SYNE1: variants seen among roughly 807,000 people sequenced by gnomAD.
SYNE1 encodes spectrin repeat containing nuclear envelope protein 1.
Under a neutral mutation model 1,111.0 loss-of-function variants are expected in SYNE1, and 616 were observed. That is an observed-to-expected ratio of 0.55 (90% CI 0.52 to 0.59). The LOEUF (loss-of-function observed/expected upper bound fraction) is 0.59, where lower values mean the gene tolerates loss of function less well. Ranked by LOEUF, SYNE1 falls within the 20% of genes least tolerant of loss-of-function variation. The pLI is 0.00. For synonymous variants in SYNE1, 3,855 were observed against 3,825.8 expected (o/e 1.01, Z -0.28); for missense variants, 10,006 against 10,417.0 (o/e 0.96, Z 1.72).
intron 86 of SYNE1, among the ~76,000 whole-genome samples, chr6:152,317,683 C>T (rs1415486401): frequency 6.6e-6 from 1 of 152,220 alleles, no homozygotes; most frequent in Admixed American, 6.5e-5. Context: ...ACAATTATTA[C>T]AGACGTGCAA....
At chr6:152,398,051 C>A (rs998201030) in intron 49 of SYNE1, among the ~76,000 whole-genome samples, 1 of 151,902 alleles carries the variant, frequency 6.6e-6, no homozygotes, top group African/African-American at 2.4e-5. Context: ...TAACATAGTG[C>A]TTTACTCGGA....
Position 152,225,797 on chromosome 6 carries a change from T to C in SYNE1, c.21275A>G (p.Lys7092Arg). ...EQNGLALIQNKKEDVSSIVMS... is the reference protein window; with the variant it reads ...EQNGLALIQNRKEDVSSIVMS... ...GACAATGCTAGAGACGTCTTCTTTC[T>C]TGTTCTGAATCAAAGCAAGTCCATT... Residue 7092 changes from lysine (K) to arginine (R), a missense_variant, in exon 116 of 146, where the codon AAG (lysine) becomes AGG (arginine). Lys to Arg is a conservative substitution (Grantham distance 26, BLOSUM62 2). Transcript: ENST00000367255. The C allele has an allele frequency of 6.2e-7, 1 of 1,614,140 alleles. No individual in the cohort carries two copies. The highest frequency in any genetic ancestry group is 8.5e-7 in the Non-Finnish European group (1 of 1,180,020).
At chr6:152,360,901 A>G (rs2096920336) in intron 64 of SYNE1, among the ~76,000 whole-genome samples, 1 of 152,214 alleles carries the variant, frequency 6.6e-6, no homozygotes, top group Non-Finnish European at 1.5e-5. Flanking sequence ...TGTGTCAGAC[A>G]GAGAGCCAAG....
chr6:152,148,768 A>C lies in SYNE1; in HGVS notation c.24643-390T>G, dbSNP rs1421332702. 6.6e-6 allele frequency among the ~76,000 whole-genome samples: 1 copy of C among 151,994 alleles called. No individual in the cohort carries two copies. The highest frequency in any genetic ancestry group is 1.5e-5 in the Non-Finnish European group (1 of 68,016). On this transcript the variant is annotated intron_variant, in intron 136 of 145. Coordinates refer to ENST00000367255, the MANE Select transcript of SYNE1 (RefSeq NM_182961.4). This position sits in a 1 kb window ranked among gnomAD's most constrained non-coding sequence, Gnocchi z 4.1. The stretch of plus-strand genomic sequence containing the variant: ...GGTAAAATGGGAATAACATTAAAAC[A>C]TACTTCAAATAATTAATATAAGATT...
chr6:152,536,598 A>G lies in SYNE1; in HGVS notation c.129+3362T>C, dbSNP rs1178265713. ...GCGGCCAATGACTTCCAAACTGCCA[A>G]ATCGAATGGGTTCACCTTTACCAAC... On this transcript the variant is annotated intron_variant, in intron 4 of 145. Coordinates refer to ENST00000367255, the MANE Select transcript of SYNE1 (RefSeq NM_182961.4). 4.0e-5 allele frequency among the ~76,000 whole-genome samples: 6 copies of G among 151,034 alleles called. No individual in the cohort carries two copies. In the Admixed American group the frequency reaches 4.0e-4, roughly 10 times the overall value.
At position 152,186,988 on chromosome 6, in the gene SYNE1, G is replaced by A. The variant is rs188262912; in HGVS notation, c.23301+2264C>T. Among the ~76,000 whole-genome samples the A allele has an allele frequency of 3.9e-5, 6 of 152,180 alleles. No homozygotes were observed. The East Asian group carries it at 1.2e-3, about 29-fold the overall frequency. ...TATAGGATGATTTACTGTATAATAA[G>A]GTATTGCTTTCAGTTTGAAGAATTC... On this transcript the variant is annotated intron_variant, in intron 128 of 145. Transcript: ENST00000367255.
intron 3 of SYNE1, among the ~76,000 whole-genome samples, chr6:152,543,017 G>A (rs2099279229): frequency 6.6e-6 from 1 of 151,840 alleles, no homozygotes; most frequent in African/African-American, 2.4e-5. Context: ...ATGTTATACT[G>A]TCATAAAATT....
chr6:152,469,971 A>G (rs2098796294), intron 16 of SYNE1, among the ~76,000 whole-genome samples: 1 of 152,228 alleles, frequency 6.6e-6, no homozygotes, highest in Admixed American at 6.5e-5. Context: ...ATTAAACAAA[A>G]TTACCTTAAA....
chr6:152,381,613 G>A (rs2097418351), intron 55 of SYNE1: 1 of 551,720 alleles, frequency 1.8e-6, no homozygotes, highest in African/African-American at 1.9e-5. Context: ...CAGAGACCCT[G>A]AAATCAGGCA....
chr6:152,226,719 G>T (rs535950584), intron 115 of SYNE1, among the ~76,000 whole-genome samples: 1 of 152,116 alleles, frequency 6.6e-6, no homozygotes, highest in Non-Finnish European at 1.5e-5. Flanking sequence ...CAAGTCATCC[G>T]ACCTGTCTTG....
intron 2 of SYNE1, among the ~76,000 whole-genome samples, chr6:152,629,522 C>CGGGTGG (rs2099693507): frequency 1.6e-4 from 1 of 6,138 alleles, no homozygotes. Context: ...GTTTCATTGC[C>CGGGTGG]GGGGGGGGGG....
At chr6:152,555,787 G>T (rs182257900) in intron 3 of SYNE1, among the ~76,000 whole-genome samples, 1 of 152,102 alleles carries the variant, frequency 6.6e-6, no homozygotes, top group African/African-American at 2.4e-5. Context: ...TGAGTTATAA[G>T]AATGCATGAT....
intron 11 of SYNE1, among the ~76,000 whole-genome samples, chr6:152,489,189 T>C (rs1055595995): frequency 6.6e-6 from 1 of 152,334 alleles, no homozygotes; most frequent in East Asian, 1.9e-4. Context: ...AGCACTGATT[T>C]AGTGAAAATA....
chr6:152,125,321 T>C (rs1043384487), intron 145 of SYNE1: 35 of 1,550,316 alleles, frequency 2.3e-5, no homozygotes, highest in Non-Finnish European at 3.1e-5. Context: ...CTAAAATATT[T>C]GGAAACAAGT....
intron 77 of SYNE1, 54 bp from the exon 78 acceptor site, chr6:152,331,944 T>A: frequency 6.3e-7 from 1 of 1,599,878 alleles, no homozygotes. Flanking sequence ...AATATCGATG[T>A]TTGTTCATAC....
At position 152,244,714 on chromosome 6, in the gene SYNE1, A is replaced by T. The variant is rs1332898799; in HGVS notation, c.19573-58T>A. The stretch of plus-strand genomic sequence containing the variant: ...CCCATGAACAATTTCCCCACGGAAG[A>T]TGTGATTATTGTATCTCTTTCTGTG... On this transcript the variant is annotated intron_variant, in intron 105 of 145. Transcript: ENST00000367255. 4 of 1,606,466 alleles carry T rather than the reference A, an allele frequency of 2.5e-6. No individual in the cohort carries two copies. The East Asian group carries it at 8.9e-5, about 36-fold the overall frequency.
At chr6:152,542,472 AATTATC>A (rs1223614262) in intron 3 of SYNE1, among the ~76,000 whole-genome samples, 1 of 152,140 alleles carries the variant, frequency 6.6e-6, no homozygotes. Context: ...TTGATATTTT[AATTATC>A]ATTTATTTAT....
intron 5 of SYNE1, among the ~76,000 whole-genome samples, chr6:152,523,511 C>T (rs754227787): frequency 6.6e-6 from 1 of 152,016 alleles, no homozygotes; most frequent in Non-Finnish European, 1.5e-5. Flanking sequence ...GTTCTTTCTG[C>T]TTAGGATTGC....
At chr6:152,141,136 C>A in intron 139 of SYNE1, 67 bp downstream of exon 139, 3 of 1,610,214 alleles carry the variant, frequency 1.9e-6, no homozygotes, top group Non-Finnish European at 1.7e-6. Context: ...AGTGGAATTT[C>A]GCTGTTAACA....
Sources: gnomAD v4.1 joint callset for allele counts (sites outside exome capture counted in the v4.1 genomes callset) on GRCh38, gnomAD v4.1.1 for gene constraint, Gnocchi (gnomAD v3.1) non-coding constraint, MANE v1.5 for transcripts, NCBI Gene and HGNC (gene_info 2026-07-23, HGNC 2026-07-21) for gene names.